The following LYPD6 variants were observed in gnomAD, a reference collection of about 807,000 sequenced individuals.
The protein encoded by LYPD6 is LY6/PLAUR domain containing 6.
A neutral mutation model predicts 22.7 loss-of-function variants in LYPD6; 15 were observed. The ratio of observed to expected loss-of-function variants is 0.66; its 90% CI spans 0.44 to 1.02. The LOEUF is 1.02. LYPD6 is among the 50% of genes least tolerant of loss of function. The probability of loss-of-function intolerance (pLI) is 0.00; values close to 1 mark genes in which losing one functional copy is unlikely to be tolerated. For missense variants in LYPD6, 189 were observed against 208.4 expected, an observed-to-expected ratio of 0.91 and a Z score of 0.57; for synonymous variants, 72 against 77.5, an observed-to-expected ratio of 0.93 and a Z score of 0.37.
intron 1 of LYPD6, among the ~76,000 whole-genome samples, chr2:149,380,424 A>G (rs756229651): frequency 6.6e-6 from 1 of 152,326 alleles, no homozygotes; most frequent in South Asian, 2.1e-4. Context: ...ACAAGAATTG[A>G]TGGAGGTGGT....
intron 1 of LYPD6, among the ~76,000 whole-genome samples, chr2:149,352,440 A>T (rs1681375640): frequency 6.6e-6 from 1 of 152,218 alleles, no homozygotes; most frequent in South Asian, 2.1e-4. Flanking sequence ...TGCAAGTTAC[A>T]GGGAAGTTCA....
intron 1 of LYPD6, among the ~76,000 whole-genome samples, chr2:149,344,400 C>T (rs1011433962): frequency 6.6e-6 from 1 of 152,170 alleles, no homozygotes; most frequent in South Asian, 2.1e-4. Context: ...AAGTGCTGTA[C>T]ACCCTGCCCA....
At chr2:149,415,084 T>C (rs925867507) in intron 1 of LYPD6, among the ~76,000 whole-genome samples, 7 of 152,154 alleles carry the variant, frequency 4.6e-5, no homozygotes. Context: ...GTGTTCCTTA[T>C]AGATGGACAC....
intron 1 of LYPD6, among the ~76,000 whole-genome samples, chr2:149,372,811 G>T (rs1681839857): frequency 2.0e-5 from 3 of 152,192 alleles, no homozygotes; most frequent in African/African-American, 7.2e-5. Flanking sequence ...TGTTTCAGGT[G>T]TTGAGTTACA....
chr2:149,444,831 A>C (rs2105158289), intron 2 of LYPD6, among the ~76,000 whole-genome samples: 1 of 152,284 alleles, frequency 6.6e-6, no homozygotes, highest in Non-Finnish European at 1.5e-5. Context: ...GATGGTTGGA[A>C]TCGTGTATTT....
At chr2:149,454,418 A>G (rs1680905255) in intron 3 of LYPD6, among the ~76,000 whole-genome samples, 1 of 152,192 alleles carries the variant, frequency 6.6e-6, no homozygotes, top group Non-Finnish European at 1.5e-5. Flanking sequence ...GCATTCCTCC[A>G]TGTCTTTTCG....
intron 1 of LYPD6, among the ~76,000 whole-genome samples, chr2:149,377,222 A>G (rs1167526696): frequency 6.6e-6 from 1 of 150,658 alleles, no homozygotes; most frequent in East Asian, 1.9e-4. Flanking sequence ...TTTCTTGGAA[A>G]CATGCGGAGT....
At chr2:149,334,285 C>T (rs796207102) in intron 1 of LYPD6, among the ~76,000 whole-genome samples, 19 of 152,052 alleles carry the variant, frequency 1.2e-4, no homozygotes, top group African/African-American at 3.9e-4. Context: ...ATTTCCAAAA[C>T]GATAATGAAA....
chr2:149,345,172 T>C (rs542545574), intron 1 of LYPD6, among the ~76,000 whole-genome samples: 2 of 152,306 alleles, frequency 1.3e-5, no homozygotes, highest in Admixed American at 6.5e-5. Context: ...CATATACTTA[T>C]TGTTGCATGT....
At chr2:149,416,717 C>T (rs925541517) in intron 1 of LYPD6, among the ~76,000 whole-genome samples, 33 of 152,146 alleles carry the variant, frequency 2.2e-4, no homozygotes, top group African/African-American at 6.8e-4. Flanking sequence ...GGTTTTGGGG[C>T]CCATGCCATC....
At chr2:149,351,546 A>G (rs1681359309) in intron 1 of LYPD6, among the ~76,000 whole-genome samples, 1 of 152,152 alleles carries the variant, frequency 6.6e-6, no homozygotes, top group South Asian at 2.1e-4. Context: ...TGAAGAACCA[A>G]ATTTCATACC....
At chr2:149,464,098 A>G in intron 3 of LYPD6, 1 of 402,234 alleles carries the variant, frequency 2.5e-6, no homozygotes, top group South Asian at 1.8e-5. Context: ...GTTATCTCAA[A>G]ATAATAGGTT....
chr2:149,483,160 C>T, the LYPD6 span, among the ~76,000 whole-genome samples: 1 of 152,188 alleles, frequency 6.6e-6, no homozygotes, highest in Admixed American at 6.5e-5. Context: ...GGCAGGATGT[C>T]AGGAGCCTGC....
At chr2:149,454,715 G>A (rs544731808) in intron 3 of LYPD6, among the ~76,000 whole-genome samples, 3 of 152,146 alleles carry the variant, frequency 2.0e-5, no homozygotes, top group Non-Finnish European at 2.9e-5. Context: ...GTGCATGGAA[G>A]TGCTAGTTGC....
intron 1 of LYPD6, among the ~76,000 whole-genome samples, chr2:149,404,226 G>T (rs1682636028): frequency 6.6e-6 from 1 of 152,032 alleles, no homozygotes; most frequent in Admixed American, 6.6e-5. Context: ...GCTCTTTTTT[G>T]GTTCCATATG....
chr2:149,435,359 AC>A (rs1224266407), intron 1 of LYPD6, among the ~76,000 whole-genome samples: 1 of 152,170 alleles, frequency 6.6e-6, no homozygotes, highest in African/African-American at 2.4e-5. Context: ...GCATTTGTTC[AC>A]ATTTATGTTT....
Position 149,432,321 on chromosome 2 carries a change from C to T in LYPD6, c.-71-5317C>T, listed in dbSNP as rs1573803251. 7.9e-5 allele frequency among the ~76,000 whole-genome samples: 12 copies of T among 152,294 alleles called. No individual in the cohort carries two copies. In the South Asian group the frequency reaches 2.5e-3, roughly 32 times the overall value. Reference sequence around the variant, plus strand: ...ACATGAATGTTAGCAGCAGTATTCACAATAGCCAAAAAGTGAAAATCACCC... The same window carrying T: ...ACATGAATGTTAGCAGCAGTATTCATAATAGCCAAAAAGTGAAAATCACCC... On this transcript the variant is annotated intron_variant, in intron 1 of 4. Transcript: ENST00000334166.
At chr2:149,344,810 C>G (rs535789787) in intron 1 of LYPD6, among the ~76,000 whole-genome samples, 1 of 152,242 alleles carries the variant, frequency 6.6e-6, no homozygotes, top group East Asian at 1.9e-4. Context: ...AATTAGACCT[C>G]CTCCTACAAA....
intron 1 of LYPD6, among the ~76,000 whole-genome samples, chr2:149,437,037 C>T (rs1388629660): frequency 6.6e-6 from 1 of 152,168 alleles, no homozygotes; most frequent in Non-Finnish European, 1.5e-5. Flanking sequence ...AATAATTATG[C>T]CTACCTCATA....
Sources: gnomAD v4.1 joint callset for allele counts (sites outside exome capture counted in the v4.1 genomes callset) on GRCh38, gnomAD v4.1.1 for gene constraint, MANE v1.5 for transcripts, NCBI Gene and HGNC (gene_info 2026-07-23, HGNC 2026-07-21) for gene names.